The following AGBL1 variants were observed in gnomAD, a reference collection of about 807,000 sequenced individuals.
AGBL1 encodes the protein cytosolic carboxypeptidase 4.
AGBL1 carries 130 observed loss-of-function variants against 118.9 expected under a neutral mutation model. The observed-to-expected ratio is 1.09, with a 90% CI of 0.95 to 1.26. The LOEUF is 1.26. AGBL1 is among the 50% of genes most tolerant of loss of function. The probability of loss-of-function intolerance (pLI) is 0.00; values close to 1 mark genes in which losing one functional copy is unlikely to be tolerated. For synonymous variants in AGBL1, 555 were observed against 478.9 expected, an observed-to-expected ratio of 1.16 and a Z score of -2.08; for missense variants, 1,584 against 1,298.1, an observed-to-expected ratio of 1.22 and a Z score of -3.38.
intron 17 of AGBL1, among the ~76,000 whole-genome samples, chr15:86,338,155 G>T (rs1197485499): frequency 6.6e-6 from 1 of 152,162 alleles, no homozygotes; most frequent in Non-Finnish European, 1.5e-5. Flanking sequence ...TATGAGAAAA[G>T]GTCAGGAAGT....
intron 17 of AGBL1, among the ~76,000 whole-genome samples, chr15:86,327,057 A>G (rs1205002322): frequency 6.6e-6 from 1 of 152,072 alleles, no homozygotes; most frequent in Non-Finnish European, 1.5e-5. Context: ...GGAAAAACTG[A>G]CCAGTGATAG....
intron 23 of AGBL1, among the ~76,000 whole-genome samples, chr15:86,942,109 C>T (rs1567251083): frequency 6.6e-6 from 1 of 152,162 alleles, no homozygotes. Context: ...TCCTTTTCTC[C>T]TTAACTGCCT....
intron 22 of AGBL1, among the ~76,000 whole-genome samples, chr15:86,687,339 A>G (rs1039945473): frequency 3.3e-5 from 5 of 152,058 alleles, no homozygotes; most frequent in Non-Finnish European, 7.4e-5. Flanking sequence ...GTAGCCAACA[A>G]CCAAGAAGAA....
intron 17 of AGBL1, among the ~76,000 whole-genome samples, chr15:86,340,768 C>T (rs756505972): frequency 6.6e-6 from 1 of 152,146 alleles, no homozygotes; most frequent in Non-Finnish European, 1.5e-5. Context: ...ACGGTTACTG[C>T]CAGAATTGCG....
At chr15:86,541,079 G>A (rs935145495) in intron 19 of AGBL1, among the ~76,000 whole-genome samples, 1 of 152,202 alleles carries the variant, frequency 6.6e-6, no homozygotes, top group African/African-American at 2.4e-5. Context: ...TAATTTGTTT[G>A]CACACTTTTC....
intron 5 of AGBL1, among the ~76,000 whole-genome samples, chr15:86,216,801 C>A (rs540055180): frequency 3.3e-5 from 5 of 152,178 alleles, no homozygotes; most frequent in Admixed American, 6.5e-5. Context: ...CCTCCACTTA[C>A]GGTGAAGCCA....
intron 19 of AGBL1, among the ~76,000 whole-genome samples, chr15:86,535,526 T>G (rs780393507): frequency 6.6e-6 from 1 of 152,360 alleles, no homozygotes; most frequent in African/African-American, 2.4e-5. Flanking sequence ...CCTATCCTCT[T>G]GGCTCTCACT....
intron 1 of AGBL1, among the ~76,000 whole-genome samples, chr15:86,102,166 G>C (rs1405348601): frequency 6.6e-6 from 1 of 151,840 alleles, no homozygotes; most frequent in African/African-American, 2.4e-5. Context: ...TCAGCCTCCT[G>C]AGTAGCTGGG....
At chr15:86,452,736 C>T (rs1476710556) in intron 18 of AGBL1, among the ~76,000 whole-genome samples, 1 of 152,100 alleles carries the variant, frequency 6.6e-6, no homozygotes, top group Non-Finnish European at 1.5e-5. Context: ...ATCCTGCTGC[C>T]CTTCTGCCCT....
intron 21 of AGBL1, among the ~76,000 whole-genome samples, chr15:86,625,142 C>T (rs554651791): frequency 2.0e-5 from 3 of 152,216 alleles, no homozygotes; most frequent in Admixed American, 2.0e-4. Context: ...GGCAGGGGGT[C>T]AAGAGACAAT....
chr15:86,535,027 C>T (rs1460216730), intron 19 of AGBL1, among the ~76,000 whole-genome samples: 1 of 152,044 alleles, frequency 6.6e-6, no homozygotes, highest in African/African-American at 2.4e-5. Flanking sequence ...TACACATTTA[C>T]CTAAATGCAG....
At chr15:86,649,377 A>G (rs1459948162) in intron 21 of AGBL1, among the ~76,000 whole-genome samples, 1 of 152,184 alleles carries the variant, frequency 6.6e-6, no homozygotes, top group African/African-American at 2.4e-5. Flanking sequence ...AGAAAGAGGT[A>G]AGTAATTGTT....
At chr15:86,211,000 T>G (rs2078086521) in intron 5 of AGBL1, among the ~76,000 whole-genome samples, 1 of 152,236 alleles carries the variant, frequency 6.6e-6, no homozygotes, top group Admixed American at 6.5e-5. Context: ...GATAGGGTTT[T>G]GGTGTGGATG....
intron 6 of AGBL1, among the ~76,000 whole-genome samples, chr15:86,227,013 T>TG (rs1368823856): frequency 6.6e-6 from 1 of 152,232 alleles, no homozygotes; most frequent in Non-Finnish European, 1.5e-5. Flanking sequence ...CTAAATTTTT[T>TG]TTGTTGTTGT....
chr15:86,289,708 C>A (rs2079514015), intron 16 of AGBL1, among the ~76,000 whole-genome samples: 1 of 152,148 alleles, frequency 6.6e-6, no homozygotes, highest in Non-Finnish European at 1.5e-5. Context: ...TCCATTACAT[C>A]CCATCTCCTC....
At position 86,525,480 on chromosome 15, in the gene AGBL1, G is replaced by A. The variant is rs556152566; in HGVS notation, c.2685+2541G>A. Among the ~76,000 whole-genome samples the A allele has an allele frequency of 5.9e-5, 9 of 152,234 alleles. No individual in the cohort carries two copies. In the South Asian group the frequency reaches 1.9e-3, roughly 32 times the overall value. On this transcript the variant is annotated intron_variant, in intron 19 of 22. Transcript: ENST00000614907. ...AAGGCATCACATTACTGGATTTCAAGTTATACTACCAGTCTATATTTACCA... is the reference window on the plus strand; with the variant it reads ...AAGGCATCACATTACTGGATTTCAAATTATACTACCAGTCTATATTTACCA...
intron 17 of AGBL1, among the ~76,000 whole-genome samples, chr15:86,325,518 T>C (rs1301428375): frequency 2.0e-5 from 3 of 152,188 alleles, no homozygotes; most frequent in Non-Finnish European, 4.4e-5. Context: ...GGGCCTCTCC[T>C]TTTCTGTAAC....
chr15:86,156,036 C>G (rs1597468706), intron 4 of AGBL1, among the ~76,000 whole-genome samples: 2 of 152,218 alleles, frequency 1.3e-5, no homozygotes, highest in East Asian at 3.9e-4. Context: ...ATTCTCTTGT[C>G]TCAGCCTCCC....
At chr15:86,317,541 A>G (rs1195309976) in intron 17 of AGBL1, among the ~76,000 whole-genome samples, 1 of 152,220 alleles carries the variant, frequency 6.6e-6, no homozygotes, top group East Asian at 1.9e-4. Flanking sequence ...GGTGATGAAC[A>G]CCATGCACAA....
Sources: allele counts gnomAD v4.1 joint callset (sites outside exome capture counted in the v4.1 genomes callset), GRCh38; gene constraint gnomAD v4.1.1; transcripts MANE v1.5; gene names NCBI Gene and HGNC (gene_info 2026-07-23, HGNC 2026-07-21).